HSPA12A: variants seen among roughly 807,000 people sequenced by gnomAD.
HSPA12A encodes heat shock 70 kDa protein 12A.
HSPA12A carries 28 observed loss-of-function variants against 69.2 expected under a neutral mutation model. The ratio of observed to expected loss-of-function variants is 0.40; its 90% confidence interval spans 0.30 to 0.55. The LOEUF (loss-of-function observed/expected upper bound fraction) is 0.55, where lower values mean the gene tolerates loss of function less well. HSPA12A is among the 20% of genes least tolerant of loss of function. The probability of loss-of-function intolerance (pLI) is 0.38; values close to 1 mark genes in which losing one functional copy is unlikely to be tolerated. For synonymous variants in HSPA12A, 345 were observed against 370.5 expected (o/e 0.93, Z 0.79); for missense variants, 686 against 900.7 (o/e 0.76, Z 3.05).
intron 2 of HSPA12A, among the ~76,000 whole-genome samples, chr10:116,817,469 T>C (rs1589723676): frequency 6.6e-6 from 1 of 150,796 alleles, no homozygotes. Flanking sequence ...GACAGGCTGG[T>C]CTTCTATTCG....
Position 116,845,726 on chromosome 10 carries a change from C to T in HSPA12A, c.3+3840G>A, listed in dbSNP as rs564149363. On this transcript the variant is annotated intron_variant, in intron 1 of 12. Transcript: ENST00000635765. ...GGAAATGCCCTAAGACATTTAATCTCAATATGAAATGGAAATGCAATCACC... is the reference window on the plus strand; with the variant it reads ...GGAAATGCCCTAAGACATTTAATCTTAATATGAAATGGAAATGCAATCACC... 5.9e-5 allele frequency among the ~76,000 whole-genome samples: 9 copies of T among 152,120 alleles called. No homozygotes were observed. In the East Asian group the frequency reaches 1.5e-3, roughly 26 times the overall value.
At chr10:116,767,558 CT>C (rs1844108382) in intron 2 of HSPA12A, among the ~76,000 whole-genome samples, 2 of 152,220 alleles carry the variant, frequency 1.3e-5, no homozygotes, top group Non-Finnish European at 2.9e-5. Flanking sequence ...CACATTCCTG[CT>C]GCAAACAGAC....
At chr10:116,696,388 G>A (rs145682700) in intron 5 of HSPA12A, among the ~76,000 whole-genome samples, 1,828 of 152,222 alleles carry the variant, frequency 0.012, 16 homozygotes, top group Non-Finnish European at 0.018. Flanking sequence ...TACTGTTCTC[G>A]TGGTAGTGAA....
chr10:116,787,472 G>A (rs1006498360), intron 2 of HSPA12A, among the ~76,000 whole-genome samples: 13 of 144,420 alleles, frequency 9.0e-5, no homozygotes, highest in African/African-American at 2.8e-4. Flanking sequence ...AACCACAGGC[G>A]CCTTCTGTGA....
At chr10:116,816,345 C>A (rs189421835) in intron 2 of HSPA12A, among the ~76,000 whole-genome samples, 1 of 152,378 alleles carries the variant, frequency 6.6e-6, no homozygotes, top group East Asian at 1.9e-4. Flanking sequence ...GCAGAGGACA[C>A]CTGGCCTGGT....
intron 2 of HSPA12A, among the ~76,000 whole-genome samples, chr10:116,826,495 G>T (rs904949507): frequency 6.6e-6 from 1 of 152,194 alleles, no homozygotes; most frequent in Non-Finnish European, 1.5e-5. Context: ...ATCTACAGAT[G>T]CGTGAGTGTC....
At chr10:116,820,190 T>C (rs184124119) in intron 2 of HSPA12A, among the ~76,000 whole-genome samples, 1 of 152,062 alleles carries the variant, frequency 6.6e-6, no homozygotes, top group African/African-American at 2.4e-5. Context: ...TAGACAAATA[T>C]GACATGATCA....
At chr10:116,849,441 AG>A (rs1226607633) in intron 1 of HSPA12A, 9 of 1,305,630 alleles carry the variant, frequency 6.9e-6, no homozygotes, top group Non-Finnish European at 9.1e-6. Flanking sequence ...CTTTTACCGC[AG>A]GAAGAACCTA....
At chr10:116,819,114 G>A (rs531084153) in intron 2 of HSPA12A, among the ~76,000 whole-genome samples, 73 of 152,228 alleles carry the variant, frequency 4.8e-4, no homozygotes, top group African/African-American at 1.7e-3. Flanking sequence ...GCACCCCCAA[G>A]CCCTGTGTCC....
At chr10:116,845,106 G>A (rs1845858506) in intron 1 of HSPA12A, among the ~76,000 whole-genome samples, 1 of 152,168 alleles carries the variant, frequency 6.6e-6, no homozygotes. Context: ...CGTGGACTCT[G>A]TGAAAGGGGC....
At chr10:116,770,626 C>T (rs1844182630) in intron 2 of HSPA12A, among the ~76,000 whole-genome samples, 1 of 152,088 alleles carries the variant, frequency 6.6e-6, no homozygotes, top group African/African-American at 2.4e-5. Context: ...GTGGCAGAGA[C>T]GCCGAGCTCC....
At position 116,742,416 on chromosome 10, in the gene HSPA12A, C is replaced by T; in HGVS notation, c.40+14G>A. 7.0e-7 allele frequency: 1 copy of T among 1,435,026 alleles called. No homozygotes were observed. Among genetic ancestry groups the T allele is most frequent in the Non-Finnish European group, 9.1e-7 (1 of 1,096,084 alleles). 88.9% of individuals were successfully genotyped at this position (1,435,026 alleles called of 1,614,324 possible). Reference sequence around the variant, plus strand: ...CCGCCAGCCGCGGCCGCAGGACCCGCAGCCTGCGCTCACCTCGGGGCCCGT... The same window carrying T: ...CCGCCAGCCGCGGCCGCAGGACCCGTAGCCTGCGCTCACCTCGGGGCCCGT... On this transcript the variant is annotated intron_variant, in intron 1 of 11. Coordinates refer to ENST00000369209, the MANE Select transcript of HSPA12A (RefSeq NM_025015.3).
intron 1 of HSPA12A, among the ~76,000 whole-genome samples, chr10:116,726,027 G>GCACACACACA (rs71013613): frequency 0.018 from 2,614 of 146,120 alleles, 27 homozygotes; most frequent in Middle Eastern, 0.028. Flanking sequence ...ACACACACAC[G>GCACACACACA]CACACACACA....
chr10:116,818,385 A>G (rs111619167), intron 2 of HSPA12A, among the ~76,000 whole-genome samples: 1,631 of 150,102 alleles, frequency 0.011, 23 homozygotes, highest in African/African-American at 0.034. Flanking sequence ...TCCCTGCTTT[A>G]CCCAGCTGCT....
intron 1 of HSPA12A, among the ~76,000 whole-genome samples, chr10:116,727,663 A>G (rs1554885200): frequency 6.6e-6 from 1 of 152,056 alleles, no homozygotes; most frequent in Non-Finnish European, 1.5e-5. Context: ...TACTTTCAGT[A>G]CAGTATTCAA....
intron 6 of HSPA12A, among the ~76,000 whole-genome samples, chr10:116,689,008 G>A (rs977140164): frequency 1.1e-4 from 17 of 152,108 alleles, no homozygotes; most frequent in African/African-American, 4.1e-4. Flanking sequence ...AAAGATAAAG[G>A]TTTAACCCAT....
intron 9 of HSPA12A, among the ~76,000 whole-genome samples, chr10:116,680,384 C>T (rs1315379049): frequency 2.6e-5 from 4 of 152,184 alleles, no homozygotes; most frequent in Admixed American, 2.0e-4. Context: ...CATCCAAGGG[C>T]GGGGGCTGGA....
intron 2 of HSPA12A, among the ~76,000 whole-genome samples, chr10:116,751,570 T>A (rs371770779): frequency 7.9e-4 from 120 of 152,288 alleles, no homozygotes; most frequent in Non-Finnish European, 1.5e-3. Context: ...CAGGTACCCA[T>A]CACCCAAATT....
At chr10:116,758,558 T>C (rs928383104) in intron 2 of HSPA12A, among the ~76,000 whole-genome samples, 7 of 152,164 alleles carry the variant, frequency 4.6e-5, no homozygotes, top group African/African-American at 1.7e-4. Flanking sequence ...GTTACAGGAA[T>C]ATGAGGCCAG....
Sources: allele counts gnomAD v4.1 joint callset (sites outside exome capture counted in the v4.1 genomes callset), GRCh38; gene constraint gnomAD v4.1.1; transcripts MANE v1.5; gene names NCBI Gene and HGNC (gene_info 2026-07-23, HGNC 2026-07-21).